The following MGAT4C variants were observed in gnomAD, a reference collection of about 807,000 sequenced individuals.
The protein encoded by MGAT4C is MGAT4 family member C.
A neutral mutation model predicts 40.1 loss-of-function variants in MGAT4C; 19 were observed. The observed-to-expected ratio is 0.47, with a 90% CI of 0.33 to 0.70. The LOEUF (loss-of-function observed/expected upper bound fraction) is 0.70. Among genes scored for constraint, MGAT4C ranks in the 30% least tolerant of loss-of-function variants. The pLI, the probability that MGAT4C is intolerant of heterozygous loss-of-function variation, is 0.02. For missense variants in MGAT4C, 491 were observed against 563.2 expected, an observed-to-expected ratio of 0.87 and a Z score of 1.30; for synonymous variants, 181 against 187.1, an observed-to-expected ratio of 0.97 and a Z score of 0.27.
intron 1 of MGAT4C, among the ~76,000 whole-genome samples, chr12:86,054,921 T>G (rs551797126): frequency 4.7e-4 from 71 of 151,952 alleles, no homozygotes; most frequent in Non-Finnish European, 8.7e-4. Flanking sequence ...CTAAAAAATC[T>G]AAAATTTAAA....
At chr12:86,531,934 C>G (rs893362275) in intron 2 of MGAT4C, among the ~76,000 whole-genome samples, 2 of 152,044 alleles carry the variant, frequency 1.3e-5, no homozygotes, top group African/African-American at 4.8e-5. Flanking sequence ...ACTGGCTTTA[C>G]AAATTGGCTA....
chr12:86,049,572 G>T, intron 2 of MGAT4C, 102 bp downstream of exon 2: 1 of 419,468 alleles, frequency 2.4e-6, no homozygotes, highest in Non-Finnish European at 3.2e-6. Context: ...ATTTAGGCAT[G>T]TGTAGCTACT....
intron 2 of MGAT4C, among the ~76,000 whole-genome samples, chr12:86,524,894 G>C (rs990403304): frequency 2.2e-4 from 33 of 152,030 alleles, no homozygotes; most frequent in African/African-American, 8.0e-4. Context: ...AACTCTTATA[G>C]TGTGTTTTCA....
chr12:86,397,842 A>G (rs1033355350), intron 3 of MGAT4C, among the ~76,000 whole-genome samples: 1 of 152,184 alleles, frequency 6.6e-6, no homozygotes, highest in African/African-American at 2.4e-5. Context: ...GCGTGCCCGT[A>G]GTCCCAGCTA....
intron 1 of MGAT4C, among the ~76,000 whole-genome samples, chr12:86,830,388 C>CT (rs1307460456): frequency 2.0e-5 from 3 of 151,710 alleles, no homozygotes; most frequent in Non-Finnish European, 4.4e-5. Context: ...ACCTGTAAGG[C>CT]TGTATGTATT....
chr12:86,696,618 G>T (rs1254756594), intron 2 of MGAT4C, among the ~76,000 whole-genome samples: 1 of 152,118 alleles, frequency 6.6e-6, no homozygotes, highest in Non-Finnish European at 1.5e-5. Flanking sequence ...TTGGAGGAAA[G>T]GAATGCAACA....
chr12:86,369,123 AC>A lies in MGAT4C; in HGVS notation c.-119-34997del, dbSNP rs559694811. Among the ~76,000 whole-genome samples, 305 of 152,024 alleles carry A rather than the reference AC, an allele frequency of 2.0e-3. 1 individual carries two copies. Among genetic ancestry groups the A allele is most frequent in the African/African-American group, 6.7e-3 (279 of 41,558 alleles). ...TTTTTATTATTATGTAATATCTTTC[AC>A]CAACATTTTTTACTTAATGTCTACT... On this transcript the variant is annotated intron_variant, in intron 3 of 7. Coordinates refer to the MGAT4C transcript ENST00000548651.
At chr12:86,374,132 C>T (rs564975297) in intron 3 of MGAT4C, among the ~76,000 whole-genome samples, 1 of 151,810 alleles carries the variant, frequency 6.6e-6, no homozygotes, top group South Asian at 2.1e-4. Flanking sequence ...AAGTCATGAG[C>T]AAAAACAGAC....
At chr12:86,592,100 CTTAAG>C (rs1031071730) in intron 2 of MGAT4C, among the ~76,000 whole-genome samples, 1 of 151,962 alleles carries the variant, frequency 6.6e-6, no homozygotes, top group Non-Finnish European at 1.5e-5. Context: ...CTTAAGGAAT[CTTAAG>C]TTAGGAAGCA....
At chr12:86,224,260 G>T (rs1377749312) in intron 1 of MGAT4C, among the ~76,000 whole-genome samples, 1 of 151,864 alleles carries the variant, frequency 6.6e-6, no homozygotes, top group Non-Finnish European at 1.5e-5. Flanking sequence ...TCAGTCAAAG[G>T]GATATATCAA....
intron 2 of MGAT4C, among the ~76,000 whole-genome samples, chr12:85,998,272 A>AT (rs1565835565): frequency 1.3e-5 from 2 of 151,880 alleles, no homozygotes; most frequent in Admixed American, 1.3e-4. Flanking sequence ...CTATGAAACC[A>AT]TTTTTTCCTC....
chr12:85,989,057 T>C (rs541862041), intron 3 of MGAT4C, among the ~76,000 whole-genome samples: 3 of 152,016 alleles, frequency 2.0e-5, no homozygotes, highest in African/African-American at 7.2e-5. Flanking sequence ...AGTTATACTT[T>C]CTAAGCAGAT....
At chr12:86,155,207 A>T (rs1884784204) in intron 1 of MGAT4C, among the ~76,000 whole-genome samples, 1 of 152,214 alleles carries the variant, frequency 6.6e-6, no homozygotes, top group Non-Finnish European at 1.5e-5. Context: ...TATGTAGCAG[A>T]AATCATAAAA....
At chr12:86,214,096 T>G (rs1950581945) in intron 1 of MGAT4C, among the ~76,000 whole-genome samples, 1 of 152,224 alleles carries the variant, frequency 6.6e-6, no homozygotes, top group African/African-American at 2.4e-5. Context: ...TCCAATTCTG[T>G]GATATTAGCT....
chr12:86,779,322 T>C (rs1951794791), intron 1 of MGAT4C, among the ~76,000 whole-genome samples: 1 of 152,060 alleles, frequency 6.6e-6, no homozygotes, highest in East Asian at 1.9e-4. Context: ...AGGAAGGGCA[T>C]AGTGGCTTAC....
chr12:86,426,926 A>G (rs1459640260), intron 3 of MGAT4C, among the ~76,000 whole-genome samples: 2 of 152,030 alleles, frequency 1.3e-5, no homozygotes, highest in Non-Finnish European at 2.9e-5. Flanking sequence ...CAGCCTGGGC[A>G]ACAGAGCGAG....
chr12:86,563,407 C>T (rs1309915875), intron 2 of MGAT4C, among the ~76,000 whole-genome samples: 1 of 152,206 alleles, frequency 6.6e-6, no homozygotes, highest in Admixed American at 6.5e-5. Context: ...TGATAAGAAG[C>T]CTACTGCATT....
chr12:86,368,184 T>G (rs1955643963), intron 3 of MGAT4C, among the ~76,000 whole-genome samples: 1 of 152,156 alleles, frequency 6.6e-6, no homozygotes, highest in African/African-American at 2.4e-5. Flanking sequence ...ATCTAAAATA[T>G]GTGATAATAT....
intron 1 of MGAT4C, among the ~76,000 whole-genome samples, chr12:86,063,522 C>A (rs1565928649): frequency 6.6e-6 from 1 of 152,038 alleles, no homozygotes; most frequent in Admixed American, 6.6e-5. Flanking sequence ...TCACACATAA[C>A]AATATTAATT....
Sources: gnomAD v4.1 joint callset for allele counts (sites outside exome capture counted in the v4.1 genomes callset) on GRCh38, gnomAD v4.1.1 for gene constraint, MANE v1.5 for transcripts, NCBI Gene and HGNC (gene_info 2026-07-23, HGNC 2026-07-21) for gene names.